DCUN1D1: variants seen among roughly 807,000 people sequenced by gnomAD.
The protein encoded by DCUN1D1 is DCN1-like protein 1.
A neutral mutation model predicts 39.0 loss-of-function variants in DCUN1D1; 3 were observed. The ratio of observed to expected loss-of-function variants is 0.08; its 90% CI spans 0.04 to 0.20. The LOEUF (loss-of-function observed/expected upper bound fraction) is 0.20, where lower values mean the gene tolerates loss of function less well. DCUN1D1 is among the 10% of genes least tolerant of loss of function. DCUN1D1 has a pLI of 1.00. For missense variants in DCUN1D1, 158 were observed against 302.4 expected, an observed-to-expected ratio of 0.52 and a Z score of 3.54; for synonymous variants, 82 against 96.3, an observed-to-expected ratio of 0.85 and a Z score of 0.87.
intron 1 of DCUN1D1, among the ~76,000 whole-genome samples, chr3:182,976,444 T>TACATAC (rs1553845676): frequency 1.6e-4 from 22 of 140,772 alleles, no homozygotes; most frequent in African/African-American, 5.7e-4. Context: ...TATACATACA[T>TACATAC]ACACACACAC....
intron 4 of DCUN1D1, among the ~76,000 whole-genome samples, chr3:182,953,450 T>C (rs1726858099): frequency 6.6e-6 from 1 of 152,162 alleles, no homozygotes; most frequent in African/African-American, 2.4e-5. Context: ...AGTATGAGTT[T>C]TAGTCTCTTA....
Position 182,952,918 on chromosome 3 carries a change from T to C in DCUN1D1, c.521-5286A>G, listed in dbSNP as rs76924067. 1.1e-3 allele frequency among the ~76,000 whole-genome samples: 168 copies of C among 152,356 alleles called. 4 individuals are homozygous for C. The East Asian group carries it at 0.03, about 28-fold the overall frequency. Reference sequence around the variant, plus strand: ...TTTCACTCCTTTCAAAGGACCACAGTGCTTTGAGATCGACCTTTCAGGCAT... The same window carrying C: ...TTTCACTCCTTTCAAAGGACCACAGCGCTTTGAGATCGACCTTTCAGGCAT... On this transcript the variant is annotated intron_variant, in intron 4 of 6. Transcript: ENST00000292782.
chr3:182,976,163 ACT>A (rs984522660), intron 1 of DCUN1D1, among the ~76,000 whole-genome samples: 3 of 152,002 alleles, frequency 2.0e-5, no homozygotes, highest in African/African-American at 7.3e-5. Context: ...AGAATTCAAA[ACT>A]CTGTACATAG....
At chr3:182,985,794 T>G (rs180858415) in intron 1 of DCUN1D1, 1 of 152,296 alleles carries the variant, frequency 6.6e-6, no homozygotes, top group Admixed American at 6.5e-5. Flanking sequence ...TGGGTCACCT[T>G]CTAAAAAGGA....
chr3:182,976,113 T>C (rs1362601496), intron 1 of DCUN1D1, among the ~76,000 whole-genome samples: 1 of 152,140 alleles, frequency 6.6e-6, no homozygotes, highest in East Asian at 1.9e-4. Flanking sequence ...TACTTGATAA[T>C]CCATTAGTTT....
intron 4 of DCUN1D1, among the ~76,000 whole-genome samples, chr3:182,949,596 T>C (rs910859428): frequency 2.0e-5 from 3 of 151,936 alleles, no homozygotes; most frequent in African/African-American, 7.3e-5. Flanking sequence ...GGTGCATGCC[T>C]GTATTCCCAG....
chr3:182,947,425 A>T (rs2108623373), intron 5 of DCUN1D1, 91 bp from the exon 6 acceptor site: 2 of 1,118,588 alleles, frequency 1.8e-6, no homozygotes, highest in East Asian at 5.0e-5. Context: ...AGAATGCAAA[A>T]CAATTATGTA....
intron 4 of DCUN1D1, among the ~76,000 whole-genome samples, chr3:182,949,903 A>G (rs558968862): frequency 6.6e-6 from 1 of 152,288 alleles, no homozygotes; most frequent in South Asian, 2.1e-4. Context: ...CAAACTTCCT[A>G]TGGTTTCACA....
At chr3:182,984,204 C>T (rs972546430), upstream of DCUN1D1, among the ~76,000 whole-genome samples, 3 of 152,078 alleles carry the variant, frequency 2.0e-5, no homozygotes, top group African/African-American at 7.2e-5. Context: ...TATGTTATAC[C>T]ATATGGTCAG....
rs1325966728 is a variant in DCUN1D1, at chr3:182,944,427, T to C, written c.*667A>G. On this transcript the variant is annotated 3_prime_UTR_variant, in exon 7 of 7. Coordinates refer to ENST00000292782, the MANE Select transcript of DCUN1D1 (RefSeq NM_020640.4). ...CGCAGACTAGTTCTGTGGAACCTTTTGAAATCAAGAGTCTAAAACACAATA... is the reference window on the plus strand; with the variant it reads ...CGCAGACTAGTTCTGTGGAACCTTTCGAAATCAAGAGTCTAAAACACAATA... The C allele has an allele frequency of 4.6e-5, 7 of 152,462 alleles. No individual in the cohort carries two copies. Among genetic ancestry groups the C allele is most frequent in the East Asian group, 1.9e-4 (1 of 5,196 alleles). The allele number at this position is 152,462 out of a possible 1,614,324, so 9.4% of individuals were successfully genotyped here.
At position 182,963,961 on chromosome 3, in the gene DCUN1D1, C is replaced by T. The variant is rs779385340; in HGVS notation, c.309G>A (p.Leu103=). ...LALDPASISV[L]IIAWKFRAAT... ...CTGCTCTGAACTTCCACGCAATAAT[C>T]AACACACTAATGCTGGCTGGATCGA... The change falls in exon 3 of 7, where the codon TTG becomes TTA. Residue 103 remains leucine, a synonymous_variant. Coordinates refer to ENST00000292782, the MANE Select transcript of DCUN1D1 (RefSeq NM_020640.4). 1.2e-6 allele frequency: 2 copies of T among 1,613,956 alleles called. No homozygotes were observed. Among genetic ancestry groups the T allele is most frequent in the Admixed American group, 3.3e-5 (2 of 60,010 alleles).
At chr3:182,976,915 T>G (rs888145958) in intron 1 of DCUN1D1, among the ~76,000 whole-genome samples, 2 of 152,200 alleles carry the variant, frequency 1.3e-5, no homozygotes, top group African/African-American at 2.4e-5. Flanking sequence ...AAGACAACCT[T>G]GAATAGACCT....
At chr3:182,955,500 A>AT (rs1726998594) in intron 4 of DCUN1D1, 1 of 536,912 alleles carries the variant, frequency 1.9e-6, no homozygotes, top group African/African-American at 1.9e-5. Flanking sequence ...CATTTAACAC[A>AT]TTTTTTAGGT....
At chr3:182,976,444 TACACACACACACACACAC>T (rs59465164) in intron 1 of DCUN1D1, among the ~76,000 whole-genome samples, 40 of 140,772 alleles carry the variant, frequency 2.8e-4, no homozygotes, top group Admixed American at 9.2e-4. Flanking sequence ...TATACATACA[TACACACACACACACACAC>T]ACACACACAC....
chr3:182,982,360 C>A (rs1473749827), upstream of DCUN1D1, among the ~76,000 whole-genome samples: 1 of 152,212 alleles, frequency 6.6e-6, no homozygotes, highest in Non-Finnish European at 1.5e-5. Context: ...CTGCCCATAT[C>A]AAGAGGAATC....
At chr3:182,975,175 A>AT (rs769384130) in intron 1 of DCUN1D1, among the ~76,000 whole-genome samples, 5,718 of 138,674 alleles carry the variant, frequency 0.041, 264 homozygotes, top group African/African-American at 0.11. Flanking sequence ...TTAACACAGA[A>AT]TTTTTTTTTT....
intron 1 of DCUN1D1, among the ~76,000 whole-genome samples, chr3:182,966,333 G>A (rs932575130): frequency 1.3e-5 from 2 of 152,058 alleles, no homozygotes; most frequent in African/African-American, 4.8e-5. Flanking sequence ...CAATAAAATA[G>A]GAGTATTCGA....
At position 182,943,083 on chromosome 3, in the gene DCUN1D1, AAT is replaced by A. The variant is rs1196093535; in HGVS notation, c.*2009_*2010del. On this transcript the variant is annotated 3_prime_UTR_variant, in exon 7 of 7. Transcript: ENST00000292782. ...AATCCAAGGCACTAGGCCACGAACC[AAT>A]ATGACTTTTAAAGAAAACACTTTAT... The A allele has an allele frequency of 1.3e-5, 2 of 149,286 alleles. No homozygotes were observed. The highest frequency in any genetic ancestry group is 3.0e-5 in the Non-Finnish European group (2 of 67,352). 9.2% of individuals were successfully genotyped at this position (149,286 alleles called of 1,614,324 possible).
intron 1 of DCUN1D1, among the ~76,000 whole-genome samples, chr3:182,979,304 G>A (rs139860947): frequency 1.3e-5 from 2 of 152,176 alleles, no homozygotes. Flanking sequence ...GATGGGACTA[G>A]AAGTGTCATT....
Sources: allele counts gnomAD v4.1 joint callset (sites outside exome capture counted in the v4.1 genomes callset), GRCh38; gene constraint gnomAD v4.1.1; transcripts MANE v1.5; gene names NCBI Gene and HGNC (gene_info 2026-07-23, HGNC 2026-07-21).